The following SEMA6D variants were observed in gnomAD, a reference collection of about 807,000 sequenced individuals.
SEMA6D encodes the protein semaphorin-6D.
SEMA6D carries 35 observed loss-of-function variants against 106.6 expected under a neutral mutation model. The observed-to-expected ratio is 0.33, with a 90% confidence interval of 0.25 to 0.44. The LOEUF (loss-of-function observed/expected upper bound fraction) is 0.44. SEMA6D is among the 20% of genes least tolerant of loss of function. The pLI is 1.00. For missense variants in SEMA6D, 1,185 were observed against 1,345.9 expected (o/e 0.88, Z 1.87); for synonymous variants, 499 against 487.7 (o/e 1.02, Z -0.31).
intron 3 of SEMA6D, among the ~76,000 whole-genome samples, chr15:47,478,098 C>G (rs2043049444): frequency 6.6e-6 from 1 of 152,118 alleles, no homozygotes; most frequent in Non-Finnish European, 1.5e-5. Flanking sequence ...CTTTTGCTGT[C>G]TTATAAACGA....
chr15:47,357,226 C>T (rs887532361), intron 1 of SEMA6D, among the ~76,000 whole-genome samples: 2 of 151,816 alleles, frequency 1.3e-5, no homozygotes, highest in South Asian at 4.2e-4. Context: ...CCCAGCTACT[C>T]GGGAGGCTGA....
chr15:47,367,692 G>GCGCACACACA (rs1219759915), intron 1 of SEMA6D, among the ~76,000 whole-genome samples: 9 of 73,408 alleles, frequency 1.2e-4, no homozygotes, highest in African/African-American at 3.7e-4. Flanking sequence ...GCGCGCGCGC[G>GCGCACACACA]CACACACACA....
intron 3 of SEMA6D, among the ~76,000 whole-genome samples, chr15:47,548,379 C>T (rs1252566266): frequency 6.6e-6 from 1 of 152,116 alleles, no homozygotes; most frequent in African/African-American, 2.4e-5. Context: ...GAAACACCTC[C>T]CCCTGGAACA....
At chr15:47,349,971 T>A (rs982607142) in intron 1 of SEMA6D, among the ~76,000 whole-genome samples, 3 of 152,202 alleles carry the variant, frequency 2.0e-5, no homozygotes, top group Non-Finnish European at 4.4e-5. Context: ...TGTTGGAGAA[T>A]GACCTTTTGT....
At chr15:47,536,464 T>C (rs1353351597) in intron 3 of SEMA6D, among the ~76,000 whole-genome samples, 2 of 152,220 alleles carry the variant, frequency 1.3e-5, no homozygotes, top group Non-Finnish European at 2.9e-5. Flanking sequence ...TCTTAGCTAA[T>C]GCAAGTTCAG....
chr15:47,362,373 G>T (rs992136266), intron 1 of SEMA6D, among the ~76,000 whole-genome samples: 3 of 152,192 alleles, frequency 2.0e-5, no homozygotes, highest in Admixed American at 1.3e-4. Context: ...GAATGGAGAT[G>T]CTTGTTTCCT....
intron 1 of SEMA6D, among the ~76,000 whole-genome samples, chr15:47,330,442 A>G (rs1025609618): frequency 6.6e-6 from 1 of 152,162 alleles, no homozygotes; most frequent in Non-Finnish European, 1.5e-5. Context: ...GGGAGAGGCT[A>G]TCATGGCTGA....
At chr15:47,551,673 C>CTGTGTGTGTGTGTGTGTGTGTG (rs3050565) in intron 3 of SEMA6D, among the ~76,000 whole-genome samples, 20,727 of 141,084 alleles carry the variant, frequency 0.15, 1,938 homozygotes, top group South Asian at 0.21. Flanking sequence ...ATCTGGGACT[C>CTGTGTGTGTGTGTGTGTGTGTG]TGTGTGTGTG....
chr15:47,350,116 G>C (rs1003977947), intron 1 of SEMA6D, among the ~76,000 whole-genome samples: 8 of 121,176 alleles, frequency 6.6e-5, no homozygotes, highest in Non-Finnish European at 1.6e-4. Context: ...TTATAACCGG[G>C]TCATGTCCCT....
intron 1 of SEMA6D, among the ~76,000 whole-genome samples, chr15:47,330,876 A>G (rs1162492377): frequency 2.0e-5 from 3 of 152,042 alleles, no homozygotes; most frequent in East Asian, 1.9e-4. Context: ...GACATGAGGT[A>G]TGGACACCTA....
intron 13 of SEMA6D, 155 bp downstream of exon 13, chr15:47,765,211 T>C: frequency 1.4e-6 from 2 of 1,410,612 alleles, no homozygotes; most frequent in Middle Eastern, 2.6e-4. Context: ...CTTGGGTTTG[T>C]TTTTTTCCCG....
At chr15:47,520,372 C>T (rs749177165) in intron 3 of SEMA6D, among the ~76,000 whole-genome samples, 2 of 152,180 alleles carry the variant, frequency 1.3e-5, no homozygotes, top group Non-Finnish European at 2.9e-5. Context: ...GGAATCAGGT[C>T]CCCTGTGACA....
chr15:47,494,775 T>G (rs1229216772), intron 3 of SEMA6D, among the ~76,000 whole-genome samples: 2 of 96,650 alleles, frequency 2.1e-5, no homozygotes, highest in African/African-American at 9.6e-5. Context: ...TATATATATA[T>G]ATATATATAT....
chr15:47,237,046 T>C (rs1304040752), intron 1 of SEMA6D, among the ~76,000 whole-genome samples: 3 of 152,162 alleles, frequency 2.0e-5, no homozygotes, highest in African/African-American at 4.8e-5. Flanking sequence ...CACCGACTTT[T>C]AGAATTTTTG....
intron 1 of SEMA6D, among the ~76,000 whole-genome samples, chr15:47,288,009 G>T (rs1424983338): frequency 6.6e-6 from 1 of 152,130 alleles, no homozygotes; most frequent in African/African-American, 2.4e-5. Context: ...CAGAGAGAGA[G>T]AGTGCAGCGG....
chr15:47,503,689 T>TCACACACACACA (rs142397320), intron 3 of SEMA6D, among the ~76,000 whole-genome samples: 148 of 148,690 alleles, frequency 1.0e-3, no homozygotes, highest in South Asian at 8.7e-3. Context: ...TCTCTCTCTG[T>TCACACACACACA]CACACACACA....
At chr15:47,251,836 A>G (rs1202402958) in intron 1 of SEMA6D, among the ~76,000 whole-genome samples, 2 of 149,384 alleles carry the variant, frequency 1.3e-5, no homozygotes, top group Non-Finnish European at 3.0e-5. Context: ...TCATGTGTTT[A>G]TTAATATTTG....
chr15:47,438,165 C>G (rs974992043), intron 2 of SEMA6D, among the ~76,000 whole-genome samples: 1 of 152,096 alleles, frequency 6.6e-6, no homozygotes. Flanking sequence ...TCTCTTCTTT[C>G]ACATCTCACA....
intron 3 of SEMA6D, among the ~76,000 whole-genome samples, chr15:47,557,237 C>T (rs1469176915): frequency 6.6e-6 from 1 of 152,062 alleles, no homozygotes; most frequent in East Asian, 1.9e-4. Context: ...TGTGGGGGTG[C>T]CTGTCACATA....
Sources: gnomAD v4.1 joint callset for allele counts (sites outside exome capture counted in the v4.1 genomes callset) on GRCh38, gnomAD v4.1.1 for gene constraint, MANE v1.5 for transcripts, NCBI Gene and HGNC (gene_info 2026-07-23, HGNC 2026-07-21) for gene names.